PSMD14: variants seen among roughly 807,000 people sequenced by gnomAD.
PSMD14 encodes the protein proteasome 26S subunit, non-ATPase 14.
A neutral mutation model predicts 41.2 loss-of-function variants in PSMD14; 7 were observed. The ratio of observed to expected loss-of-function variants is 0.17; its 90% CI spans 0.10 to 0.32. The LOEUF (loss-of-function observed/expected upper bound fraction) is 0.32, where lower values mean the gene tolerates loss of function less well. Among genes scored for constraint, PSMD14 ranks in the 10% least tolerant of loss-of-function variants. The pLI, the probability that PSMD14 is intolerant of heterozygous loss-of-function variation, is 1.00. For missense variants in PSMD14, 139 were observed against 375.6 expected (o/e 0.37, Z 5.21); for synonymous variants, 114 against 122.3 (o/e 0.93, Z 0.45).
At chr2:161,350,854 C>CAA (rs199837573) in intron 3 of PSMD14, among the ~76,000 whole-genome samples, 8,784 of 152,216 alleles carry the variant, frequency 0.058, 368 homozygotes, top group Non-Finnish European at 0.094. Context: ...GCAAAACCTG[C>CAA]AATCATATTG....
chr2:161,389,889 G>GTTGTTTTTTTTTTTTGTTT, intron 8 of PSMD14, among the ~76,000 whole-genome samples: 3 of 20,050 alleles, frequency 1.5e-4, no homozygotes, highest in Non-Finnish European at 2.0e-4. Context: ...CTTTTTTGTT[G>GTTGTTTTTTTTTTTTGTTT]TTTTTTTTTT....
chr2:161,312,295 C>G (rs974262070), intron 1 of PSMD14, among the ~76,000 whole-genome samples: 1 of 152,076 alleles, frequency 6.6e-6, no homozygotes, highest in African/African-American at 2.4e-5. Context: ...AAGCACCCGT[C>G]ACCACGCCCA....
chr2:161,329,366 G>A (rs1249799518), intron 3 of PSMD14, among the ~76,000 whole-genome samples: 3 of 151,788 alleles, frequency 2.0e-5, no homozygotes, highest in Non-Finnish European at 4.4e-5. Flanking sequence ...TTTAATTTTT[G>A]CTATAAGCAC....
intron 3 of PSMD14, among the ~76,000 whole-genome samples, chr2:161,325,740 C>T (rs1408782711): frequency 2.0e-5 from 3 of 152,088 alleles, no homozygotes; most frequent in Non-Finnish European, 4.4e-5. Context: ...ATTTGCTCTA[C>T]CAGATTTCGA....
intron 7 of PSMD14, among the ~76,000 whole-genome samples, chr2:161,376,058 G>T (rs1425394977): frequency 1.3e-5 from 2 of 150,274 alleles, no homozygotes; most frequent in Admixed American, 1.3e-4. Context: ...TACTCAAATA[G>T]TAGTCTTCTT....
intron 7 of PSMD14, among the ~76,000 whole-genome samples, chr2:161,378,965 G>A (rs1683538733): frequency 1.3e-5 from 2 of 151,954 alleles, no homozygotes; most frequent in South Asian, 4.1e-4. Flanking sequence ...CCTATTGAGA[G>A]ACAGTAGTCC....
Position 161,324,697 on chromosome 2 carries a change from G to A in PSMD14, c.48+5824G>A, listed in dbSNP as rs143065223. Reference sequence around the variant, plus strand: ...TTCCAGTAGACTTGTGAGGTAATTTGATCTGTGTTTTTGAAAAGTAATTCT... The same window carrying A: ...TTCCAGTAGACTTGTGAGGTAATTTAATCTGTGTTTTTGAAAAGTAATTCT... On this transcript the variant is annotated intron_variant, in intron 3 of 11. Transcript: ENST00000409682. Among the ~76,000 whole-genome samples the A allele has an allele frequency of 4.3e-3, 618 of 144,824 alleles. 10 individuals are homozygous for A. Among genetic ancestry groups the A allele is most frequent in the African/African-American group, 0.015 (597 of 39,230 alleles).
At chr2:161,382,461 TAATA>T (rs1006187398) in intron 7 of PSMD14, 1 of 151,792 alleles carries the variant, frequency 6.6e-6, no homozygotes, top group Non-Finnish European at 1.5e-5. Context: ...CATGCAGTGA[TAATA>T]AACAAAAAAG....
intron 11 of PSMD14, among the ~76,000 whole-genome samples, chr2:161,409,264 T>G (rs1574145816): frequency 6.6e-6 from 1 of 152,076 alleles, no homozygotes; most frequent in Non-Finnish European, 1.5e-5. Context: ...TTTATCAATA[T>G]GTAGGTAATA....
intron 3 of PSMD14, among the ~76,000 whole-genome samples, chr2:161,352,474 G>A (rs1111417): frequency 0.91 from 139,001 of 152,268 alleles, 63,494 homozygotes; most frequent in East Asian, 1. Context: ...TTTGCCACTA[G>A]AATAATAAAC....
chr2:161,376,861 C>A (rs752123931), intron 7 of PSMD14, among the ~76,000 whole-genome samples: 2 of 151,804 alleles, frequency 1.3e-5, no homozygotes, highest in African/African-American at 2.4e-5. Context: ...AAAATAAAAT[C>A]GAGGAATGAA....
At chr2:161,318,783 T>C (rs769104684) in intron 2 of PSMD14, 39 bp from the exon 3 acceptor site, 2 of 1,544,172 alleles carry the variant, frequency 1.3e-6, no homozygotes, top group African/African-American at 1.4e-5. Context: ...TAAACATTTT[T>C]GTGCTTAGGA....
intron 3 of PSMD14, among the ~76,000 whole-genome samples, chr2:161,343,566 G>A (rs1438099887): frequency 2.6e-5 from 4 of 152,194 alleles, no homozygotes; most frequent in Non-Finnish European, 5.9e-5. Flanking sequence ...AGTGGCTCAC[G>A]CCTGTAAACC....
chr2:161,319,901 A>G (rs181937735), intron 3 of PSMD14, among the ~76,000 whole-genome samples: 22 of 152,246 alleles, frequency 1.4e-4, no homozygotes, highest in Admixed American at 1.3e-3. Flanking sequence ...TCTTGGATGG[A>G]TTTCAGTTGT....
chr2:161,371,721 T>C (rs1294334417), intron 7 of PSMD14, among the ~76,000 whole-genome samples: 1 of 152,192 alleles, frequency 6.6e-6, no homozygotes, highest in Admixed American at 6.6e-5. Context: ...GGCATTGTTT[T>C]GCAGACATTA....
chr2:161,365,071 A>C (rs1308501348), intron 3 of PSMD14, among the ~76,000 whole-genome samples: 2 of 152,106 alleles, frequency 1.3e-5, no homozygotes, highest in African/African-American at 4.8e-5. Context: ...GCGCCATTGC[A>C]CTCCAGCCTG....
intron 2 of PSMD14, among the ~76,000 whole-genome samples, chr2:161,317,525 T>C (rs1334713531): frequency 6.6e-6 from 1 of 152,188 alleles, no homozygotes; most frequent in Non-Finnish European, 1.5e-5. Flanking sequence ...TTCTGTTTCT[T>C]GAACTAGGTG....
At chr2:161,400,122 G>A (rs1030049052) in intron 10 of PSMD14, among the ~76,000 whole-genome samples, 5 of 152,166 alleles carry the variant, frequency 3.3e-5, no homozygotes, top group African/African-American at 1.2e-4. Context: ...ATCTAAGGTT[G>A]TGTTAGCTCA....
intron 3 of PSMD14, among the ~76,000 whole-genome samples, chr2:161,350,716 A>G (rs181928345): frequency 1.3e-5 from 2 of 152,384 alleles, no homozygotes; most frequent in Admixed American, 6.5e-5. Flanking sequence ...AAATACATTT[A>G]TAGTTAATCA....
Sources: gnomAD v4.1 joint callset for allele counts (sites outside exome capture counted in the v4.1 genomes callset) on GRCh38, gnomAD v4.1.1 for gene constraint, MANE v1.5 for transcripts, NCBI Gene and HGNC (gene_info 2026-07-23, HGNC 2026-07-21) for gene names.